NUDT4: variants seen among roughly 807,000 people sequenced by gnomAD.
NUDT4 encodes nudix hydrolase 4.
In NUDT4, 5 loss-of-function variants were observed where a neutral mutation model predicts 23.1. The ratio of observed to expected loss-of-function variants is 0.22; its 90% CI spans 0.11 to 0.46. The LOEUF (loss-of-function observed/expected upper bound fraction) is 0.46, where lower values mean the gene tolerates loss of function less well. Among genes scored for constraint, NUDT4 ranks in the 20% least tolerant of loss-of-function variants. NUDT4 has a pLI of 0.99. For missense variants in NUDT4, 96 were observed against 211.6 expected, an observed-to-expected ratio of 0.45 and a Z score of 3.39; for synonymous variants, 50 against 79.0, an observed-to-expected ratio of 0.63 and a Z score of 1.95.
intron 1 of NUDT4, among the ~76,000 whole-genome samples, chr12:93,391,974 C>G (rs1399037566): frequency 6.6e-6 from 1 of 151,948 alleles, no homozygotes; most frequent in East Asian, 1.9e-4. Context: ...ACCTTCGCTT[C>G]CTGAATTCAA....
At position 93,394,698 on chromosome 12, in the gene NUDT4, C is replaced by A; in HGVS notation, c.189C>A (p.Ala63=). Residue 63 remains alanine, a synonymous_variant, in exon 2 of 5, where the codon GCC becomes GCA. Transcript: ENST00000415493. The stretch of plus-strand genomic sequence containing the variant: ...CCGAGGAGGAACCTGGCGGTGCTGC[C>A]GTGAGGGAAGTTTATGAGGAGGTGA... The part of the protein sequence containing the change: ...MEPEEEPGGA[A]VREVYEEAGV... The A allele has an allele frequency of 6.5e-7, 1 of 1,550,218 alleles. No individual in the cohort carries two copies. The highest frequency in any genetic ancestry group is 8.7e-7 in the Non-Finnish European group (1 of 1,144,740).
intron 1 of NUDT4, among the ~76,000 whole-genome samples, chr12:93,391,603 G>A (rs1054476167): frequency 5.9e-5 from 9 of 151,780 alleles, no homozygotes; most frequent in African/African-American, 2.2e-4. Flanking sequence ...CAGGCCTGGT[G>A]GTGGGTGCCT....
At chr12:93,398,914 T>C in intron 4 of NUDT4, 59 bp downstream of exon 4, 1 of 1,183,612 alleles carries the variant, frequency 8.4e-7, no homozygotes, top group Non-Finnish European at 1.2e-6. Flanking sequence ...GAAGATTCTG[T>C]TAATATAGGT....
intron 1 of NUDT4, chr12:93,381,149 G>T (rs1218790332): frequency 6.6e-6 from 1 of 152,150 alleles, no homozygotes; most frequent in Non-Finnish European, 1.5e-5. Context: ...TTTCTGTTCT[G>T]TAGGGTAAAT....
intron 3 of NUDT4, among the ~76,000 whole-genome samples, chr12:93,397,612 C>T (rs750185143): frequency 1.3e-5 from 2 of 152,118 alleles, no homozygotes; most frequent in East Asian, 1.9e-4. Context: ...TCGCCACGTC[C>T]GCCTCCTGGG....
chr12:93,389,629 G>A (rs775872458), intron 1 of NUDT4, among the ~76,000 whole-genome samples: 2 of 152,048 alleles, frequency 1.3e-5, no homozygotes, highest in African/African-American at 2.4e-5. Flanking sequence ...TAGACCGGGC[G>A]CGGTGGCTGA....
At chr12:93,396,566 G>C (rs1449021686) in intron 3 of NUDT4, among the ~76,000 whole-genome samples, 5 of 152,028 alleles carry the variant, frequency 3.3e-5, no homozygotes, top group African/African-American at 1.2e-4. Flanking sequence ...AAAAAATCCC[G>C]ATTTTGTAGC....
At chr12:93,398,707 T>A (rs1345501533) in intron 3 of NUDT4, 64 bp from the exon 4 acceptor site, 4 of 1,164,182 alleles carry the variant, frequency 3.4e-6, no homozygotes, top group African/African-American at 3.1e-5. Flanking sequence ...TTTTTTTCCC[T>A]TGGAAAATGT....
At chr12:93,399,097 C>A (rs531798439) in intron 4 of NUDT4, 80 bp from the exon 5 acceptor site, 2 of 976,318 alleles carry the variant, frequency 2.0e-6, no homozygotes, top group Non-Finnish European at 1.6e-6. Context: ...AGTCATTTAT[C>A]GGGGAGTAAG....
chr12:93,394,690 G>A lies in NUDT4; in HGVS notation c.181G>A (p.Gly61Ser), dbSNP rs1156363236. 37 of 1,553,294 alleles carry A rather than the reference G, an allele frequency of 2.4e-5. No homozygotes were observed. The highest frequency in any genetic ancestry group is 1.9e-5 in the Admixed American group (1 of 51,416). ...GGMEPEEEPG[G>S]AAVREVYEEA... ...AATGGAACCCGAGGAGGAACCTGGC[G>A]GTGCTGCCGTGAGGGAAGTTTATGA... Residue 61 changes from glycine (G) to serine (S), a missense_variant, in exon 2 of 5, where the codon GGT becomes AGT. By Grantham distance (56) the Gly-to-Ser change is moderately conservative. Transcript: ENST00000415493.
chr12:93,388,691 G>A (rs1876276953), intron 1 of NUDT4, among the ~76,000 whole-genome samples: 1 of 152,150 alleles, frequency 6.6e-6, no homozygotes, highest in Admixed American at 6.5e-5. Flanking sequence ...GCATTTTAAA[G>A]TGGTAAGGTT....
Position 93,408,069 on chromosome 12 carries a change from A to G in NUDT4, c.*8690A>G, listed in dbSNP as rs891778242. ...TTAAATCTGGAATTTCATGGTTTGT[A>G]AATCACTATGTGATACTAGCTATAA... On this transcript the variant is annotated 3_prime_UTR_variant, in exon 5 of 5. Transcript: ENST00000415493. 6.6e-6 allele frequency: 1 copy of G among 152,240 alleles called. No homozygotes were observed. The highest frequency in any genetic ancestry group is 6.5e-5 in the Admixed American group (1 of 15,276). The allele number at this position is 152,240 out of a possible 1,614,324, so 9.4% of individuals were successfully genotyped here. A position where few individuals can be genotyped will look rare whatever the true frequency, so the allele number is the denominator to read the frequency against.
Position 93,406,558 on chromosome 12 carries a change from CA to C in NUDT4, c.*7180del, listed in dbSNP as rs1470925254. The C allele has an allele frequency of 1.3e-5, 2 of 152,186 alleles. No homozygotes were observed. Among genetic ancestry groups the C allele is most frequent in the Non-Finnish European group, 2.9e-5 (2 of 68,088 alleles). 9.4% of individuals were successfully genotyped at this position (152,186 alleles called of 1,614,324 possible). A position where few individuals can be genotyped will look rare whatever the true frequency, so the allele number is the denominator to read the frequency against. On this transcript the variant is annotated 3_prime_UTR_variant, in exon 5 of 5. Coordinates refer to ENST00000415493, the MANE Select transcript of NUDT4 (RefSeq NM_019094.6). ...GTAAGGTTCTATATAGTTGGCCCTC[CA>C]TATCCATGGGTTCCACTTCCGTGGA...
chr12:93,397,860 C>G (rs1877046961), intron 3 of NUDT4, among the ~76,000 whole-genome samples: 1 of 152,078 alleles, frequency 6.6e-6, no homozygotes, highest in African/African-American at 2.4e-5. Context: ...GATAGGCCTG[C>G]AGGAGGAGTG....
chr12:93,388,465 G>C (rs1876257883), intron 1 of NUDT4, among the ~76,000 whole-genome samples: 1 of 152,186 alleles, frequency 6.6e-6, no homozygotes, highest in Admixed American at 6.5e-5. Flanking sequence ...TAGTAGATAA[G>C]GAACAAAATC....
chr12:93,380,622 A>T (rs1875593394), intron 1 of NUDT4, among the ~76,000 whole-genome samples: 2 of 152,232 alleles, frequency 1.3e-5, no homozygotes, highest in Admixed American at 6.5e-5. Flanking sequence ...TGAAATGCAC[A>T]GCCAATTTTA....
At chr12:93,385,751 A>T (rs1046696051) in intron 1 of NUDT4, among the ~76,000 whole-genome samples, 1 of 151,908 alleles carries the variant, frequency 6.6e-6, no homozygotes, top group African/African-American at 2.4e-5. Flanking sequence ...GGAGGGGCTT[A>T]GGAGCAGCTG....
At chr12:93,379,005 T>TA (rs919403215) in intron 1 of NUDT4, among the ~76,000 whole-genome samples, 16 of 152,174 alleles carry the variant, frequency 1.1e-4, no homozygotes, top group South Asian at 6.2e-4. Flanking sequence ...CTTCCCTTCT[T>TA]AAAGTTTTCT....
rs752372876 is a variant in NUDT4, at chr12:93,378,290, GAGCAGC to G, written c.-18_-13del. The G allele has an allele frequency of 7.4e-6, 8 of 1,074,454 alleles. No individual in the cohort carries two copies. Among genetic ancestry groups the G allele is most frequent in the Non-Finnish European group, 1.0e-5 (8 of 789,392 alleles). The allele number at this position is 1,074,454 out of a possible 1,614,324, so 66.6% of individuals were successfully genotyped here. A position where few individuals can be genotyped will look rare whatever the true frequency, so the allele number is the denominator to read the frequency against. ...GGCCGGGCCCCCACGGCGGCGGCCG[GAGCAGC>G]AGCAGCAGCAGCAGGAGCCCGCCTC... On this transcript the variant is annotated 5_prime_UTR_variant, in exon 1 of 5. Transcript: ENST00000415493.
Sources: allele counts gnomAD v4.1 joint callset (sites outside exome capture counted in the v4.1 genomes callset), GRCh38; gene constraint gnomAD v4.1.1; transcripts MANE v1.5; gene names NCBI Gene and HGNC (gene_info 2026-07-23, HGNC 2026-07-21).